AVEN: variants seen among roughly 807,000 people sequenced by gnomAD.
The protein encoded by AVEN is cell death regulator Aven.
Under a neutral mutation model 38.1 loss-of-function variants are expected in AVEN, and 41 were observed. The observed-to-expected ratio is 1.08, with a 90% CI of 0.84 to 1.40. AVEN has a LOEUF of 1.40. AVEN is among the 40% of genes most tolerant of loss of function. The probability of loss-of-function intolerance (pLI) is 0.00; values close to 1 mark genes in which losing one functional copy is unlikely to be tolerated. For missense variants in AVEN, 605 were observed against 438.8 expected (o/e 1.38, Z -3.38); for synonymous variants, 206 against 171.8 (o/e 1.20, Z -1.56).
At chr15:33,999,075 T>C (rs989186140) in intron 2 of AVEN, among the ~76,000 whole-genome samples, 1 of 152,226 alleles carries the variant, frequency 6.6e-6, no homozygotes, top group Non-Finnish European at 1.5e-5. Context: ...TCCACCCTTC[T>C]CCAACCTGTT....
Position 34,063,723 on chromosome 15 carries a change from G to T in AVEN, n.1127-291C>A, listed in dbSNP as rs773811120. On this transcript the variant is annotated intron_variant and non_coding_transcript_variant, in intron 4 of 11. Transcript: ENST00000675287. The surrounding 1 kb of genome is among the most constrained non-coding windows in gnomAD (Gnocchi z 4.1). ...TCAGGGTAAGGAAAGCCCAGGGGAA[G>T]AATTCAGTGCTGAAGAGACTGAGGA... 3.1e-6 allele frequency: 5 copies of T among 1,614,238 alleles called. No homozygotes were observed. The highest frequency in any genetic ancestry group is 4.2e-6 in the Non-Finnish European group (5 of 1,180,050).
intron 1 of AVEN, among the ~76,000 whole-genome samples, chr15:34,028,916 G>A (rs1597369459): frequency 3.9e-5 from 6 of 152,184 alleles, no homozygotes; most frequent in African/African-American, 1.4e-4. Flanking sequence ...AAAATTGGGA[G>A]AGAAAGTAAG....
intron 2 of AVEN, among the ~76,000 whole-genome samples, chr15:34,002,162 A>C (rs1436439552): frequency 6.6e-6 from 1 of 152,174 alleles, no homozygotes; most frequent in Non-Finnish European, 1.5e-5. Flanking sequence ...AATCTTATTC[A>C]AATTTATTCA....
chr15:34,039,169 C>T lies in AVEN; in HGVS notation c.-123G>A. 2.4e-6 allele frequency: 2 copies of T among 840,308 alleles called. No homozygotes were observed. Among genetic ancestry groups the T allele is most frequent in the Non-Finnish European group, 2.9e-6 (2 of 688,114 alleles). 52.1% of individuals were successfully genotyped at this position (840,308 alleles called of 1,614,324 possible). A position where few individuals can be genotyped will look rare whatever the true frequency, so the allele number is the denominator to read the frequency against. ...AAAGGCGCCCGGTAGCAGCGAGGCG[C>T]GGGGTGCGGGGCTAGGGATCGAGGC... On this transcript the variant is annotated 5_prime_UTR_variant, in exon 1 of 6. Coordinates refer to ENST00000306730, the MANE Select transcript of AVEN (RefSeq NM_020371.3).
At chr15:33,891,118 C>G (rs553302262) in intron 2 of AVEN, among the ~76,000 whole-genome samples, 1 of 152,012 alleles carries the variant, frequency 6.6e-6, no homozygotes, top group South Asian at 2.1e-4. Flanking sequence ...AAAAAAAATC[C>G]TAAAAGATAT....
At chr15:33,977,635 T>C (rs1895942743) in intron 2 of AVEN, among the ~76,000 whole-genome samples, 1 of 152,198 alleles carries the variant, frequency 6.6e-6, no homozygotes, top group Non-Finnish European at 1.5e-5. Flanking sequence ...CCTATGTCTA[T>C]GTCTGTGAAA....
At chr15:33,889,400 G>C (rs945712375) in intron 2 of AVEN, among the ~76,000 whole-genome samples, 4 of 152,156 alleles carry the variant, frequency 2.6e-5, no homozygotes, top group African/African-American at 9.7e-5. Flanking sequence ...CTGTTGGCTT[G>C]TGAGTCTGTT....
Position 34,003,087 on chromosome 15 carries a change from A to G in AVEN, c.390T>C (p.Asn130=). 1 of 1,613,988 alleles carries G rather than the reference A, an allele frequency of 6.2e-7. No individual in the cohort carries two copies. The highest frequency in any genetic ancestry group is 2.2e-5 in the East Asian group (1 of 44,860). The change falls in exon 2 of 6, where the codon AAT becomes AAC. Residue 130 remains asparagine (N), a synonymous_variant. Transcript: ENST00000306730. ...TTCCCCTCTGTGACTCTCCACTTTC[A>G]TTATTGACCTCTTTTTCAATATCTT... ...RYQDIEKEVN[N]ESGESQRGTD...
chr15:34,064,849 T>C (rs1900469411), intron 4 of AVEN: 1 of 179,560 alleles, frequency 5.6e-6, no homozygotes, highest in South Asian at 1.6e-4. Context: ...CTATCTATTA[T>C]GCAGCTATTA....
chr15:33,892,416 A>G (rs1052651247), intron 2 of AVEN, among the ~76,000 whole-genome samples: 4 of 152,146 alleles, frequency 2.6e-5, no homozygotes, highest in Non-Finnish European at 5.9e-5. Context: ...AAGTGTAAGG[A>G]AGGGATCCAG....
chr15:33,854,688 C>T, downstream of AVEN: 3 of 1,525,514 alleles, frequency 2.0e-6, no homozygotes, highest in South Asian at 2.6e-5. Context: ...GTGTGTCTCC[C>T]AAAATAAGAA....
intron 2 of AVEN, among the ~76,000 whole-genome samples, chr15:33,942,018 T>C (rs906416384): frequency 6.6e-6 from 1 of 152,170 alleles, no homozygotes; most frequent in African/African-American, 2.4e-5. Context: ...CAAAATGGTG[T>C]TTATCAAGTA....
At chr15:33,907,609 G>A (rs1414286886) in intron 2 of AVEN, among the ~76,000 whole-genome samples, 1 of 152,114 alleles carries the variant, frequency 6.6e-6, no homozygotes, top group South Asian at 2.1e-4. Context: ...TAGATTTCAT[G>A]TTGCTATCTG....
intron 5 of AVEN, among the ~76,000 whole-genome samples, chr15:34,056,124 C>A (rs181895428): frequency 6.6e-6 from 1 of 152,120 alleles, no homozygotes; most frequent in African/African-American, 2.4e-5. Context: ...AAGTAACTGC[C>A]GTTTCCCTAG....
At chr15:34,026,198 TAA>T (rs1436815148) in intron 1 of AVEN, among the ~76,000 whole-genome samples, 1 of 152,178 alleles carries the variant, frequency 6.6e-6, no homozygotes, top group Non-Finnish European at 1.5e-5. Flanking sequence ...TTTTTTTACT[TAA>T]AAGTCTTATG....
intron 1 of AVEN, among the ~76,000 whole-genome samples, chr15:34,019,181 C>T (rs191067380): frequency 9.2e-5 from 14 of 152,316 alleles, no homozygotes; most frequent in South Asian, 8.3e-4. Flanking sequence ...CTGGCTTCAC[C>T]GCTTACTATT....
At chr15:34,051,612 AAG>A (rs142760154) in intron 5 of AVEN, among the ~76,000 whole-genome samples, 26,896 of 152,042 alleles carry the variant, frequency 0.18, 3,130 homozygotes, top group African/African-American at 0.33. Context: ...TAAAGAAGAA[AAG>A]AGAGAAGAAT....
At chr15:33,914,225 T>C (rs187945947) in intron 2 of AVEN, among the ~76,000 whole-genome samples, 54 of 151,978 alleles carry the variant, frequency 3.6e-4, no homozygotes, top group African/African-American at 1.2e-3. Context: ...AAAGTTTGAA[T>C]GTAAAAATAA....
chr15:33,982,822 C>T (rs998600764), intron 2 of AVEN, among the ~76,000 whole-genome samples: 2 of 151,902 alleles, frequency 1.3e-5, no homozygotes, highest in African/African-American at 4.8e-5. Context: ...CTGGACCAGC[C>T]CATCTGGACA....
Sources: allele counts gnomAD v4.1 joint callset (sites outside exome capture counted in the v4.1 genomes callset), GRCh38; gene constraint gnomAD v4.1.1; non-coding constraint Gnocchi (gnomAD v3.1); transcripts MANE v1.5; gene names NCBI Gene and HGNC (gene_info 2026-07-23, HGNC 2026-07-21).